The following DPY19L4 variants were observed in gnomAD, a reference collection of about 807,000 sequenced individuals.
DPY19L4 encodes the protein dpy-19 like 4.
In DPY19L4, 97 loss-of-function variants were observed where a neutral mutation model predicts 102.8. That is an observed-to-expected ratio of 0.94 (90% CI 0.80 to 1.12). The LOEUF (loss-of-function observed/expected upper bound fraction) is 1.12. Among genes scored for constraint, DPY19L4 ranks in the 50% most tolerant of loss-of-function variants. The probability of loss-of-function intolerance (pLI) is 0.00; values close to 1 mark genes in which losing one functional copy is unlikely to be tolerated. For missense variants in DPY19L4, 815 were observed against 850.4 expected (o/e 0.96, Z 0.52); for synonymous variants, 252 against 283.1 (o/e 0.89, Z 1.10).
intron 7 of DPY19L4, 108 bp downstream of exon 7, chr8:94,756,267 A>G (rs1812159325): frequency 2.8e-6 from 4 of 1,434,098 alleles, no homozygotes; most frequent in Non-Finnish European, 3.7e-6. Flanking sequence ...ATCATATTTA[A>G]TGAAGCCTGG....
At chr8:94,736,240 T>G (rs1811184491) in intron 3 of DPY19L4, among the ~76,000 whole-genome samples, 1 of 152,148 alleles carries the variant, frequency 6.6e-6, no homozygotes, top group Non-Finnish European at 1.5e-5. Flanking sequence ...ACATCCCACT[T>G]CCAAATATCT....
chr8:94,787,697 A>G (rs904176077), intron 17 of DPY19L4, among the ~76,000 whole-genome samples, 197 bp from the exon 18 acceptor site: 34 of 152,192 alleles, frequency 2.2e-4, no homozygotes, highest in African/African-American at 7.9e-4. Context: ...AAAGCACCAC[A>G]TAATCCAAAC....
chr8:94,731,789 T>C (rs968321843), intron 2 of DPY19L4, among the ~76,000 whole-genome samples: 1 of 152,210 alleles, frequency 6.6e-6, no homozygotes, highest in Non-Finnish European at 1.5e-5. Context: ...TCTCGCTCTG[T>C]TGCCCAGGCT....
chr8:94,784,521 C>T (rs1447485651), intron 17 of DPY19L4, among the ~76,000 whole-genome samples: 5 of 152,142 alleles, frequency 3.3e-5, no homozygotes, highest in South Asian at 2.1e-4. Flanking sequence ...CTCCACCTCC[C>T]GGGTTCAAGT....
rs192112900 is a variant in DPY19L4, at chr8:94,730,946, T to C, written c.128-3684T>C. On this transcript the variant is annotated intron_variant, in intron 2 of 18. Transcript: ENST00000414645. ...TTTTAGTAGAGACGGGGTTTCTCCA[T>C]GTTGGCCAGGCTGGTCTCAAACTCC... is the stretch of plus-strand genomic sequence containing the variant. 8.2e-3 allele frequency among the ~76,000 whole-genome samples: 1,227 copies of C among 149,752 alleles called. 18 individuals carry two copies. The highest frequency in any genetic ancestry group is 0.028 in the African/African-American group (1,142 of 40,836).
intron 6 of DPY19L4, among the ~76,000 whole-genome samples, chr8:94,754,174 GA>G (rs1238324193): frequency 6.6e-6 from 1 of 151,988 alleles, no homozygotes; most frequent in African/African-American, 2.4e-5. Flanking sequence ...GAGGGAATAG[GA>G]AAAAAGTTAT....
chr8:94,727,789 A>G (rs1483660246), intron 2 of DPY19L4, among the ~76,000 whole-genome samples: 2 of 152,092 alleles, frequency 1.3e-5, no homozygotes, highest in Non-Finnish European at 2.9e-5. Flanking sequence ...TCTGCCTACC[A>G]TGTCCCAAAA....
Position 94,788,406 on chromosome 8 carries a change from T to G in DPY19L4, c.2007+354T>G, listed in dbSNP as rs139633922. Among the ~76,000 whole-genome samples, 644 of 152,278 alleles carry G rather than the reference T, an allele frequency of 4.2e-3. 3 individuals are homozygous for G. Among genetic ancestry groups the G allele is most frequent in the African/African-American group, 0.015 (616 of 41,564 alleles). On this transcript the variant is annotated intron_variant, in intron 18 of 18. Coordinates refer to ENST00000414645, the MANE Select transcript of DPY19L4 (RefSeq NM_181787.3). Reference sequence around the variant, plus strand: ...TTATTATAATAATCTAAAGAGCAACTGGTTACCTTGTTATATTCTTATGTT... The same window carrying G: ...TTATTATAATAATCTAAAGAGCAACGGGTTACCTTGTTATATTCTTATGTT...
intron 17 of DPY19L4, among the ~76,000 whole-genome samples, chr8:94,785,468 C>T (rs986688781): frequency 6.6e-6 from 1 of 152,218 alleles, no homozygotes; most frequent in African/African-American, 2.4e-5. Context: ...TATATGATTC[C>T]AGGCTGAAAA....
chr8:94,764,689 G>GTATATATATATATA (rs1189470959), intron 8 of DPY19L4, among the ~76,000 whole-genome samples: 3 of 43,208 alleles, frequency 6.9e-5, no homozygotes, highest in Non-Finnish European at 1.1e-4. Context: ...GTCTGTGTGT[G>GTATATATATATATA]TATATATATA....
At chr8:94,788,407 G>T (rs1813749053) in intron 18 of DPY19L4, among the ~76,000 whole-genome samples, 1 of 151,984 alleles carries the variant, frequency 6.6e-6, no homozygotes, top group Non-Finnish European at 1.5e-5. Flanking sequence ...AAGAGCAACT[G>T]GTTACCTTGT....
At chr8:94,775,308 A>C (rs1813128819) in intron 13 of DPY19L4, among the ~76,000 whole-genome samples, 1 of 151,930 alleles carries the variant, frequency 6.6e-6, no homozygotes, top group African/African-American at 2.4e-5. Flanking sequence ...AGTAGCTGGG[A>C]TTACAGGCAT....
chr8:94,752,765 C>T (rs954385046), intron 6 of DPY19L4, among the ~76,000 whole-genome samples: 5 of 150,650 alleles, frequency 3.3e-5, no homozygotes, highest in East Asian at 4.0e-4. Context: ...CCCCGGTTCA[C>T]GCCATTCTCC....
At position 94,725,335 on chromosome 8, in the gene DPY19L4, T is replaced by C. The variant is rs187152647; in HGVS notation, c.17-996T>C. On this transcript the variant is annotated intron_variant, in intron 1 of 18. Coordinates refer to ENST00000414645, the MANE Select transcript of DPY19L4 (RefSeq NM_181787.3). ...ATCTATCCCACAAGATGATTAATTC[T>C]AGGGAGGAAAAGTATAAATTGTATA... Among the ~76,000 whole-genome samples, 9 of 152,348 alleles carry C rather than the reference T, an allele frequency of 5.9e-5. No homozygotes were observed. The East Asian group carries it at 1.7e-3, about 29-fold the overall frequency.
chr8:94,769,074 T>A (rs1812810850), intron 12 of DPY19L4, among the ~76,000 whole-genome samples: 1 of 149,912 alleles, frequency 6.7e-6, no homozygotes. Context: ...TTTTTTTTTT[T>A]TTTTGAGACG....
In DPY19L4 at chr8:94,790,469, A is replaced by T. The variant is rs966961203; in HGVS notation, c.*559A>T. 6.6e-6 allele frequency: 1 copy of T among 152,508 alleles called. No homozygotes were observed. The allele number at this position is 152,508 out of a possible 1,614,324, so 9.4% of individuals were successfully genotyped here. A position where few individuals can be genotyped will look rare whatever the true frequency, so the allele number is the denominator to read the frequency against. On this transcript the variant is annotated 3_prime_UTR_variant, in exon 19 of 19. Coordinates refer to ENST00000414645, the MANE Select transcript of DPY19L4 (RefSeq NM_181787.3). ...GTGATTTTTAAGGATATACATAAAG[A>T]TATATTTAGAATTTTCATGATACTG...
At chr8:94,764,008 T>C (rs537790392) in intron 8 of DPY19L4, among the ~76,000 whole-genome samples, 22 of 152,304 alleles carry the variant, frequency 1.4e-4, no homozygotes, top group Middle Eastern at 3.4e-3. Context: ...CTGGGAGATC[T>C]TCTAATAAAA....
At chr8:94,726,476 A>G in intron 2 of DPY19L4, 35 bp downstream of exon 2, 1 of 1,517,118 alleles carries the variant, frequency 6.6e-7, no homozygotes. Context: ...GTGCTACTAC[A>G]AAAATAGTTT....
At chr8:94,724,737 A>T (rs2130782061) in intron 1 of DPY19L4, among the ~76,000 whole-genome samples, 1 of 152,118 alleles carries the variant, frequency 6.6e-6, no homozygotes, top group Non-Finnish European at 1.5e-5. Flanking sequence ...ACAGGAGTGC[A>T]CCACCACACC....
Sources: gnomAD v4.1 joint callset for allele counts (sites outside exome capture counted in the v4.1 genomes callset) on GRCh38, gnomAD v4.1.1 for gene constraint, MANE v1.5 for transcripts, NCBI Gene and HGNC (gene_info 2026-07-23, HGNC 2026-07-21) for gene names.